The following THSD7A variants were observed in gnomAD, a reference collection of about 807,000 sequenced individuals.
THSD7A encodes the protein thrombospondin type-1 domain-containing protein 7A.
THSD7A carries 96 observed loss-of-function variants against 231.3 expected under a neutral mutation model. The observed-to-expected ratio is 0.41, with a 90% CI of 0.35 to 0.49. The LOEUF (loss-of-function observed/expected upper bound fraction) is 0.49, where lower values mean the gene tolerates loss of function less well. Ranked by LOEUF, THSD7A falls within the 20% of genes least tolerant of loss-of-function variation. The pLI is 0.05. For missense variants in THSD7A, 2,290 were observed against 2,070.2 expected (o/e 1.11, Z -2.06); for synonymous variants, 940 against 743.3 (o/e 1.26, Z -4.30).
rs147237152 is a variant in THSD7A at position 11,453,487 on chromosome 7, T to A, written c.2606-6063A>T. Reference sequence around the variant, plus strand: ...GATTCAAGAATGCATCCAAATTATGTTGGCTTCCATCTAAAGAGACTGATG... The same window carrying A: ...GATTCAAGAATGCATCCAAATTATGATGGCTTCCATCTAAAGAGACTGATG... On this transcript the variant is annotated intron_variant, in intron 11 of 27. Transcript: ENST00000423059. 3.0e-3 allele frequency among the ~76,000 whole-genome samples: 452 copies of A among 152,144 alleles called. 1 individual carries two copies. The highest frequency in any genetic ancestry group is 0.01 in the African/African-American group (435 of 41,556).
intron 23 of THSD7A, among the ~76,000 whole-genome samples, chr7:11,395,860 T>G (rs1172239780): frequency 6.6e-6 from 1 of 152,106 alleles, no homozygotes; most frequent in East Asian, 1.9e-4. Flanking sequence ...CACATTGCAT[T>G]TTTTCTAAAA....
chr7:11,432,275 C>CA (rs1046422383), intron 13 of THSD7A, among the ~76,000 whole-genome samples: 7 of 151,244 alleles, frequency 4.6e-5, no homozygotes, highest in East Asian at 1.9e-4. Context: ...CAGACAGAAC[C>CA]AAAAAAAATG....
intron 1 of THSD7A, among the ~76,000 whole-genome samples, chr7:11,653,656 T>G (rs774129065): frequency 3.3e-5 from 5 of 151,970 alleles, no homozygotes; most frequent in Middle Eastern, 3.4e-3. Flanking sequence ...TCATTGCACC[T>G]AGCTTCAGTT....
chr7:11,414,237 G>A (rs2115390348), intron 17 of THSD7A, among the ~76,000 whole-genome samples: 1 of 152,304 alleles, frequency 6.6e-6, no homozygotes, highest in African/African-American at 2.4e-5. Flanking sequence ...GTAGTCCATG[G>A]AGGATGTACA....
intron 17 of THSD7A, among the ~76,000 whole-genome samples, chr7:11,415,764 T>A (rs1783938418): frequency 6.6e-6 from 1 of 152,206 alleles, no homozygotes; most frequent in African/African-American, 2.4e-5. Flanking sequence ...ACCTCCTTGC[T>A]TTTTCCCAGA....
intron 11 of THSD7A, among the ~76,000 whole-genome samples, chr7:11,459,533 G>A (rs1366412705): frequency 6.6e-6 from 1 of 151,826 alleles, no homozygotes; most frequent in Non-Finnish European, 1.5e-5. Flanking sequence ...GATGGTGGGA[G>A]ATACATAATG....
intron 17 of THSD7A, among the ~76,000 whole-genome samples, chr7:11,416,313 G>A (rs1783957877): frequency 6.6e-6 from 1 of 152,098 alleles, no homozygotes; most frequent in Non-Finnish European, 1.5e-5. Context: ...TTAAGAAGGG[G>A]CCTGGGTTCA....
chr7:11,435,001 T>A (rs1784588287), intron 13 of THSD7A, among the ~76,000 whole-genome samples: 1 of 151,902 alleles, frequency 6.6e-6, no homozygotes, highest in Admixed American at 6.6e-5. Context: ...TATAATACAA[T>A]ATTATTTTAA....
At chr7:11,544,738 A>G (rs1322737573) in intron 4 of THSD7A, among the ~76,000 whole-genome samples, 1 of 152,118 alleles carries the variant, frequency 6.6e-6, no homozygotes, top group African/African-American at 2.4e-5. Flanking sequence ...GTTCTGAAAA[A>G]TATTCTGCCA....
intron 9 of THSD7A, among the ~76,000 whole-genome samples, chr7:11,468,087 T>A: frequency 6.6e-6 from 1 of 152,070 alleles, no homozygotes; most frequent in Non-Finnish European, 1.5e-5. Flanking sequence ...AAAGGCAAAG[T>A]CTTTCCACTT....
At chr7:11,457,091 C>G (rs528633220) in intron 11 of THSD7A, among the ~76,000 whole-genome samples, 3 of 151,964 alleles carry the variant, frequency 2.0e-5, no homozygotes, top group East Asian at 1.9e-4. Context: ...CGCTTTTATT[C>G]ATATATATAA....
intron 4 of THSD7A, among the ~76,000 whole-genome samples, chr7:11,565,248 G>C (rs1384022081): frequency 7.2e-5 from 11 of 152,208 alleles, no homozygotes; most frequent in Non-Finnish European, 5.9e-5. Flanking sequence ...TTTAGAATTT[G>C]TGAAATCATA....
At chr7:11,716,506 G>A (rs1300082365) in intron 1 of THSD7A, among the ~76,000 whole-genome samples, 1 of 151,596 alleles carries the variant, frequency 6.6e-6, no homozygotes, top group Non-Finnish European at 1.5e-5. Flanking sequence ...CTACTTTATT[G>A]TTCCTACTTT....
At chr7:11,561,431 CCTGT>C (rs757395847) in intron 4 of THSD7A, among the ~76,000 whole-genome samples, 8 of 152,118 alleles carry the variant, frequency 5.3e-5, no homozygotes, top group Admixed American at 1.3e-4. Flanking sequence ...CCAATAACTA[CCTGT>C]CTAATTAAAT....
intron 1 of THSD7A, among the ~76,000 whole-genome samples, chr7:11,745,855 G>T (rs537272877): frequency 2.0e-5 from 3 of 152,156 alleles, no homozygotes; most frequent in Admixed American, 1.3e-4. Context: ...TAGCCTTCTA[G>T]TATAGTTTGA....
intron 2 of THSD7A, among the ~76,000 whole-genome samples, chr7:11,602,149 G>A (rs1780573629): frequency 6.6e-6 from 1 of 152,026 alleles, no homozygotes; most frequent in Admixed American, 6.6e-5. Context: ...AGGAATTATG[G>A]AAAAGACAAA....
intron 4 of THSD7A, among the ~76,000 whole-genome samples, chr7:11,546,980 C>G: frequency 6.6e-6 from 1 of 152,076 alleles, no homozygotes; most frequent in East Asian, 1.9e-4. Context: ...AGTGGTTCTT[C>G]AAATCAAATC....
intron 2 of THSD7A, among the ~76,000 whole-genome samples, chr7:11,609,540 A>G (rs1284453622): frequency 6.6e-6 from 1 of 152,156 alleles, no homozygotes; most frequent in Non-Finnish European, 1.5e-5. Context: ...ACTGGGGGCA[A>G]TTCTGCTTCA....
intron 1 of THSD7A, among the ~76,000 whole-genome samples, chr7:11,723,873 A>C (rs992560243): frequency 6.6e-6 from 1 of 151,956 alleles, no homozygotes; most frequent in Admixed American, 6.6e-5. Context: ...CCATATAGAC[A>C]TTAACAGACA....
Sources: allele counts gnomAD v4.1 joint callset (sites outside exome capture counted in the v4.1 genomes callset), GRCh38; gene constraint gnomAD v4.1.1; transcripts MANE v1.5; gene names NCBI Gene and HGNC (gene_info 2026-07-23, HGNC 2026-07-21).